The following AKAP6 variants were observed in gnomAD, a reference collection of about 807,000 sequenced individuals.
AKAP6 encodes A-kinase anchoring protein 6.
A neutral mutation model predicts 188.5 loss-of-function variants in AKAP6; 58 were observed. The ratio of observed to expected loss-of-function variants is 0.31; its 90% confidence interval spans 0.25 to 0.38. AKAP6 has a LOEUF of 0.38. AKAP6 is among the 10% of genes least tolerant of loss of function. The pLI, the probability that AKAP6 is intolerant of heterozygous loss-of-function variation, is 1.00. For missense variants in AKAP6, 2,710 were observed against 2,740.0 expected, an observed-to-expected ratio of 0.99 and a Z score of 0.24; for synonymous variants, 989 against 998.6, an observed-to-expected ratio of 0.99 and a Z score of 0.18.
intron 1 of AKAP6, among the ~76,000 whole-genome samples, chr14:32,376,739 C>T (rs1296021904): frequency 6.6e-6 from 1 of 152,152 alleles, no homozygotes; most frequent in Admixed American, 6.6e-5. Flanking sequence ...CTCTGTTGCC[C>T]AGGCTGGAGT....
At chr14:32,587,976 GCTGT>G (rs1413478919) in intron 5 of AKAP6, among the ~76,000 whole-genome samples, 1 of 152,172 alleles carries the variant, frequency 6.6e-6, no homozygotes, top group Non-Finnish European at 1.5e-5. Flanking sequence ...GGTGGAGCAA[GCTGT>G]CTTTTATACA....
At chr14:32,610,743 T>A (rs11847094) in intron 7 of AKAP6, among the ~76,000 whole-genome samples, 3,437 of 152,160 alleles carry the variant, frequency 0.023, 142 homozygotes, top group African/African-American at 0.079. Flanking sequence ...TGGTCAAAAG[T>A]ATGGAAAAGG....
chr14:32,725,007 A>AAAAAAAAAAC (rs2030784489), intron 9 of AKAP6, among the ~76,000 whole-genome samples: 2 of 149,850 alleles, frequency 1.3e-5, no homozygotes, highest in Admixed American at 1.3e-4. Flanking sequence ...AAAAAAAAAA[A>AAAAAAAAAAC]AAAAAAAAAA....
intron 1 of AKAP6, among the ~76,000 whole-genome samples, chr14:32,391,180 G>A (rs1447426624): frequency 6.6e-6 from 1 of 152,194 alleles, no homozygotes; most frequent in Non-Finnish European, 1.5e-5. Flanking sequence ...ATTGTTCAAT[G>A]TCAGCTTAAA....
At chr14:32,434,398 C>A (rs1890317578) in intron 2 of AKAP6, among the ~76,000 whole-genome samples, 1 of 152,182 alleles carries the variant, frequency 6.6e-6, no homozygotes, top group South Asian at 2.1e-4. Context: ...CCTTTAAAAG[C>A]CTGACTGTTG....
chr14:32,597,187 A>G (rs537506657), intron 5 of AKAP6, among the ~76,000 whole-genome samples: 1 of 152,250 alleles, frequency 6.6e-6, no homozygotes, highest in South Asian at 2.1e-4. Context: ...AATTATATCA[A>G]ATTATTCAAC....
Position 32,824,162 on chromosome 14 carries a change from T to A in AKAP6, c.6349T>A (p.Ser2117Thr), listed in dbSNP as rs1375226327. 10 of 1,613,950 alleles carry A rather than the reference T, an allele frequency of 6.2e-6. No homozygotes were observed. The highest frequency in any genetic ancestry group is 8.5e-6 in the Non-Finnish European group (10 of 1,179,912). Residue 2117 changes from serine to threonine, a missense_variant, in exon 13 of 14, where the codon TCT (serine) becomes ACT (threonine). Around this residue, in one of 2 missense-constraint regions of AKAP6, gnomAD observed 2,473 missense variants for 2,426.1 expected, o/e 1.02. Transcript: ENST00000280979. ...CTTTTATTCGTACTTATCTCTCTCA[T>A]CTCATGACAGTGATTGTGGGGAGGT... ...GDFYSYLSLS[S>T]HDSDCGEVTN...
chr14:32,590,692 A>C (rs1337153681), intron 5 of AKAP6, among the ~76,000 whole-genome samples: 2 of 152,154 alleles, frequency 1.3e-5, no homozygotes, highest in African/African-American at 4.8e-5. Context: ...CTCTAGAGGG[A>C]AAAATAGGAA....
At chr14:32,721,485 T>C (rs2030533778) in intron 9 of AKAP6, among the ~76,000 whole-genome samples, 1 of 152,256 alleles carries the variant, frequency 6.6e-6, no homozygotes, top group African/African-American at 2.4e-5. Flanking sequence ...AGAAGTCTCC[T>C]GTATTTATCA....
At chr14:32,698,916 G>A (rs1890515016) in intron 9 of AKAP6, among the ~76,000 whole-genome samples, 1 of 152,066 alleles carries the variant, frequency 6.6e-6, no homozygotes, top group Non-Finnish European at 1.5e-5. Context: ...GAGCAGGACC[G>A]AATCTTTATT....
At chr14:32,818,003 T>C (rs1186866881) in intron 12 of AKAP6, among the ~76,000 whole-genome samples, 1 of 152,238 alleles carries the variant, frequency 6.6e-6, no homozygotes, top group Non-Finnish European at 1.5e-5. Context: ...GTATATTTTA[T>C]GGTTGAAGTT....
In AKAP6 at chr14:32,593,011, A is replaced by AACACACACACACACACAC. The variant is rs60277036; in HGVS notation, c.2470-6365_2470-6348dup. The stretch of plus-strand genomic sequence containing the variant: ...ACACAGTGTCCCCTACCCCCACCCC[A>AACACACACACACACACAC]ACACACACACACACACACACACACA... On this transcript the variant is annotated intron_variant, in intron 5 of 13. Coordinates refer to ENST00000280979, the MANE Select transcript of AKAP6 (RefSeq NM_004274.5). 3.5e-4 allele frequency among the ~76,000 whole-genome samples: 43 copies of AACACACACACACACACAC among 123,876 alleles called. 1 individual carries two copies. The highest frequency in any genetic ancestry group is 9.4e-4 in the African/African-American group (30 of 31,788). 81.3% of individuals were successfully genotyped at this position (123,876 alleles called of 152,430 possible). A position where few individuals can be genotyped will look rare whatever the true frequency, so the allele number is the denominator to read the frequency against.
intron 6 of AKAP6, among the ~76,000 whole-genome samples, chr14:32,600,095 T>C (rs548608522): frequency 6.6e-6 from 1 of 152,346 alleles, no homozygotes; most frequent in Admixed American, 6.5e-5. Context: ...TAGAAGACTG[T>C]AAGACAGGAT....
intron 3 of AKAP6, among the ~76,000 whole-genome samples, chr14:32,542,954 A>G (rs926341293): frequency 6.6e-6 from 1 of 152,216 alleles, no homozygotes; most frequent in African/African-American, 2.4e-5. Context: ...TATAGGGTAC[A>G]GTGTAATATT....
intron 7 of AKAP6, chr14:32,616,927 C>G (rs535027894): frequency 6.6e-6 from 1 of 152,220 alleles, no homozygotes; most frequent in South Asian, 2.1e-4. Context: ...TAACTGAAAA[C>G]CTGGGGGCTT....
At chr14:32,686,493 C>A (rs1222541628) in intron 8 of AKAP6, among the ~76,000 whole-genome samples, 1 of 151,830 alleles carries the variant, frequency 6.6e-6, no homozygotes, top group African/African-American at 2.4e-5. Context: ...GGATAGATGC[C>A]CAATTTTCCA....
rs981027317 is a variant in AKAP6 at position 32,548,080 on chromosome 14, G to A, written c.2346+1081G>A. ...TGTGTATGACTTTATGGTATGCAAC[G>A]CTCTCCCACATGCTTTTTTTTTTTT... On this transcript the variant is annotated intron_variant, in intron 4 of 13. Coordinates refer to ENST00000280979, the MANE Select transcript of AKAP6 (RefSeq NM_004274.5). Among the ~76,000 whole-genome samples, 4 of 147,302 alleles carry A rather than the reference G, an allele frequency of 2.7e-5. No homozygotes were observed. In the East Asian group the frequency reaches 6.0e-4, roughly 22 times the overall value.
In AKAP6 at chr14:32,608,481, C is replaced by T. The variant is rs899411782; in HGVS notation, c.2730+7689C>T. ...TGCCACTGCACTCCAGCCTGAGTGACAGAGCAAGAGTCTGTCTCAAAAAAA... is the reference window on the plus strand; with the variant it reads ...TGCCACTGCACTCCAGCCTGAGTGATAGAGCAAGAGTCTGTCTCAAAAAAA... On this transcript the variant is annotated intron_variant, in intron 7 of 13. Coordinates refer to ENST00000280979, the MANE Select transcript of AKAP6 (RefSeq NM_004274.5). 1.5e-5 allele frequency among the ~76,000 whole-genome samples: 2 copies of T among 129,078 alleles called. 1 individual carries two copies. Among genetic ancestry groups the T allele is most frequent in the South Asian group, 5.0e-4 (2 of 3,972 alleles). The allele number at this position is 129,078 out of a possible 152,430, so 84.7% of individuals were successfully genotyped here. A position where few individuals can be genotyped will look rare whatever the true frequency, so the allele number is the denominator to read the frequency against.
intron 12 of AKAP6, among the ~76,000 whole-genome samples, chr14:32,782,132 T>C (rs1017365480): frequency 1.8e-4 from 24 of 130,060 alleles, no homozygotes; most frequent in African/African-American, 5.8e-4. Context: ...GCCACTGTAT[T>C]CCAGCCTGGG....
Sources: gnomAD v4.1 joint callset for allele counts (sites outside exome capture counted in the v4.1 genomes callset) on GRCh38, gnomAD v4.1.1 for gene constraint, gnomAD v4.1.1 regional missense constraint, MANE v1.5 for transcripts, NCBI Gene and HGNC (gene_info 2026-07-23, HGNC 2026-07-21) for gene names.